Variants in TTC7B observed in about 807,000 individuals in gnomAD.
TTC7B encodes tetratricopeptide repeat protein 7B.
Under a neutral mutation model 106.8 loss-of-function variants are expected in TTC7B, and 28 were observed. The ratio of observed to expected loss-of-function variants is 0.26; its 90% CI spans 0.19 to 0.36. The LOEUF (loss-of-function observed/expected upper bound fraction) is 0.36, where lower values mean the gene tolerates loss of function less well. TTC7B is among the 10% of genes least tolerant of loss of function. The probability of loss-of-function intolerance (pLI) is 1.00; values close to 1 mark genes in which losing one functional copy is unlikely to be tolerated. For missense variants in TTC7B, 862 were observed against 1,076.4 expected (o/e 0.80, Z 2.79); for synonymous variants, 405 against 430.6 (o/e 0.94, Z 0.74).
chr14:90,604,320 T>A (rs1221421356), intron 17 of TTC7B, among the ~76,000 whole-genome samples: 1 of 152,242 alleles, frequency 6.6e-6, no homozygotes, highest in African/African-American at 2.4e-5. Context: ...ATGTCTATTT[T>A]AAGAAATGCA....
intron 15 of TTC7B, among the ~76,000 whole-genome samples, chr14:90,627,939 C>T (rs559475389): frequency 6.6e-6 from 1 of 152,330 alleles, no homozygotes; most frequent in Admixed American, 6.5e-5. Flanking sequence ...TTGAACCTTA[C>T]TGCCCGTGTT....
At chr14:90,607,877 G>C (rs1390868808) in intron 17 of TTC7B, among the ~76,000 whole-genome samples, 2 of 152,250 alleles carry the variant, frequency 1.3e-5, no homozygotes, top group South Asian at 2.1e-4. Flanking sequence ...ACATATGCTT[G>C]TTTGCATGAA....
At chr14:90,633,634 C>T (rs2139867771) in intron 15 of TTC7B, among the ~76,000 whole-genome samples, 1 of 152,290 alleles carries the variant, frequency 6.6e-6, no homozygotes, top group African/African-American at 2.4e-5. Flanking sequence ...CCAACAGTGC[C>T]TCATTGCCAT....
In TTC7B at chr14:90,526,262, A is replaced by G. The variant is rs1035730873; in HGVS notation, c.*15106T>C. 2.6e-5 allele frequency: 4 copies of G among 152,164 alleles called. No individual in the cohort carries two copies. Among genetic ancestry groups the G allele is most frequent in the African/African-American group, 9.7e-5 (4 of 41,426 alleles). The allele number at this position is 152,164 out of a possible 1,614,324, so 9.4% of individuals were successfully genotyped here. A position where few individuals can be genotyped will look rare whatever the true frequency, so the allele number is the denominator to read the frequency against. The stretch of plus-strand genomic sequence containing the variant: ...GGTATCTCTTGGAGTTTTGACTTGC[A>G]TTTCCCTAGTGAGTAATGATGTTGA... On this transcript the variant is annotated 3_prime_UTR_variant, in exon 20 of 20. Transcript: ENST00000328459.
intron 3 of TTC7B, among the ~76,000 whole-genome samples, chr14:90,745,344 TA>T (rs1251167466): frequency 1.3e-5 from 2 of 148,668 alleles, no homozygotes; most frequent in Non-Finnish European, 1.5e-5. Flanking sequence ...GTGGTGAGAA[TA>T]AATATCCCTA....
chr14:90,701,709 T>TATATATATAC (rs1555391267), intron 5 of TTC7B, among the ~76,000 whole-genome samples: 26 of 150,078 alleles, frequency 1.7e-4, no homozygotes, highest in African/African-American at 6.4e-4. Flanking sequence ...TATATATATA[T>TATATATATAC]ACACACACAC....
Position 90,534,981 on chromosome 14 carries a change from T to C in TTC7B, c.*6387A>G, listed in dbSNP as rs1406337381. The C allele has an allele frequency of 1.3e-5, 2 of 152,292 alleles. No individual in the cohort carries two copies. The highest frequency in any genetic ancestry group is 3.1e-3 in the Middle Eastern group (1 of 318). The allele number at this position is 152,292 out of a possible 1,614,324, so 9.4% of individuals were successfully genotyped here. A position where few individuals can be genotyped will look rare whatever the true frequency, so the allele number is the denominator to read the frequency against. On this transcript the variant is annotated 3_prime_UTR_variant, in exon 20 of 20. Coordinates refer to ENST00000328459, the MANE Select transcript of TTC7B (RefSeq NM_001010854.2). ...ATCTGGAGGAGTCTGGGTTGCTCCA[T>C]GTGATCACAGACACGCCCACCTGTG...
Position 90,657,365 on chromosome 14 carries a change from G to T in TTC7B, c.1237-87C>A, listed in dbSNP as rs1211568650. The T allele has an allele frequency of 5.3e-6, 7 of 1,318,592 alleles. No individual in the cohort carries two copies. The highest frequency in any genetic ancestry group is 1.9e-4 in the Middle Eastern group (1 of 5,372). 81.7% of individuals were successfully genotyped at this position (1,318,592 alleles called of 1,614,324 possible). On this transcript the variant is annotated intron_variant, in intron 10 of 19. Transcript: ENST00000328459. This position sits in a 1 kb window ranked among gnomAD's most constrained non-coding sequence, Gnocchi z 4.2. ...CCTTCTCAGAGGGGTTTTTGGTCAG[G>T]GTGACCTCCTCGTGGGCTTGTCCAA...
intron 1 of TTC7B, among the ~76,000 whole-genome samples, chr14:90,788,837 C>T (rs574776056): frequency 2.6e-5 from 4 of 151,920 alleles, no homozygotes; most frequent in African/African-American, 7.3e-5. Context: ...GTGGTGTGCA[C>T]CTGTAATCCC....
chr14:90,644,142 G>A lies in TTC7B; in HGVS notation c.1657C>T (p.His553Tyr). ...GCTGACAGCAGGAGGGCAAGGAGGT[G>A]CAGGGAGTTGGCATCGTCACCTTGA... ...QLQGDDANSL[H>Y]LLALLLSAQK... Residue 553 changes from histidine to tyrosine, a missense_variant, in exon 15 of 20, where the codon CAC becomes TAC. By Grantham distance (83) the His-to-Tyr change is moderately conservative (BLOSUM62 2). Transcript: ENST00000328459. 1 of 1,614,034 alleles carries A rather than the reference G, an allele frequency of 6.2e-7. No homozygotes were observed.
chr14:90,796,937 C>T (rs2029911804), intron 1 of TTC7B, among the ~76,000 whole-genome samples: 1 of 151,398 alleles, frequency 6.6e-6, no homozygotes, highest in African/African-American at 2.4e-5. Context: ...AACCTGACTC[C>T]CAGGCTCAAG....
At chr14:90,779,893 A>C (rs944289752) in intron 3 of TTC7B, among the ~76,000 whole-genome samples, 1 of 152,224 alleles carries the variant, frequency 6.6e-6, no homozygotes, top group Non-Finnish European at 1.5e-5. Context: ...GTACACAGTT[A>C]ACTAAGAGAG....
intron 3 of TTC7B, among the ~76,000 whole-genome samples, chr14:90,765,712 C>T (rs1418819421): frequency 6.6e-6 from 1 of 152,094 alleles, no homozygotes; most frequent in Non-Finnish European, 1.5e-5. Context: ...GAACACATTC[C>T]TAGAGAAGCA....
chr14:90,706,843 G>A (rs993835711), intron 5 of TTC7B, among the ~76,000 whole-genome samples: 9 of 152,072 alleles, frequency 5.9e-5, no homozygotes, highest in African/African-American at 9.7e-5. Flanking sequence ...CTAATGGTTC[G>A]GTCACCTTAG....
chr14:90,618,127 G>T, intron 15 of TTC7B, 82 bp from the exon 16 acceptor site: 1 of 1,012,162 alleles, frequency 9.9e-7, no homozygotes, highest in Non-Finnish European at 1.5e-6. Flanking sequence ...GGTGGGCTTA[G>T]ACCCAGAAGC....
At chr14:90,725,691 C>T (rs1024725206) in intron 5 of TTC7B, among the ~76,000 whole-genome samples, 1 of 152,160 alleles carries the variant, frequency 6.6e-6, no homozygotes, top group African/African-American at 2.4e-5. Context: ...ATGCAGCACT[C>T]GGTGATGTAA....
chr14:90,611,754 G>A (rs546811189), intron 16 of TTC7B, among the ~76,000 whole-genome samples: 9 of 152,328 alleles, frequency 5.9e-5, no homozygotes, highest in Non-Finnish European at 1.3e-4. Flanking sequence ...CTAACAGGGA[G>A]AGAAACTGTT....
At chr14:90,681,917 A>C (rs933468431) in intron 7 of TTC7B, among the ~76,000 whole-genome samples, 2 of 151,970 alleles carry the variant, frequency 1.3e-5, no homozygotes, top group Non-Finnish European at 2.9e-5. Flanking sequence ...GTACATGCAC[A>C]CTCGTGCCCC....
At chr14:90,774,531 A>G (rs1195270061) in intron 3 of TTC7B, among the ~76,000 whole-genome samples, 1 of 152,254 alleles carries the variant, frequency 6.6e-6, no homozygotes, top group Middle Eastern at 3.4e-3. Context: ...TTGGATTTGC[A>G]CTGCCCCCTC....
Sources: allele counts gnomAD v4.1 joint callset (sites outside exome capture counted in the v4.1 genomes callset), GRCh38; gene constraint gnomAD v4.1.1; non-coding constraint Gnocchi (gnomAD v3.1); transcripts MANE v1.5; gene names NCBI Gene and HGNC (gene_info 2026-07-23, HGNC 2026-07-21).